The following CUL4B variants were observed in gnomAD, a reference collection of about 807,000 sequenced individuals.
CUL4B encodes the protein cullin-4B.
A neutral mutation model predicts 69.2 loss-of-function variants in CUL4B; 1 was observed. The observed-to-expected ratio is 0.01, with a 90% CI of 0.01 to 0.07. CUL4B has a LOEUF of 0.07. Ranked by LOEUF, CUL4B falls within the 10% of genes least tolerant of loss-of-function variation. CUL4B has a pLI of 1.00. For missense variants in CUL4B, 328 were observed against 638.8 expected (o/e 0.51, Z 5.24); for synonymous variants, 237 against 223.2 (o/e 1.06, Z -0.55).
downstream of CUL4B, among the ~76,000 whole-genome samples, chrX:120,567,696 A>G (rs973162749): frequency 1.9e-5 from 2 of 104,775 alleles, no homozygotes; most frequent in African/African-American, 7.0e-5. Context: ...CTGGTCAACA[A>G]AGCGAGACCC....
rs183114462 is a variant in CUL4B, at chrX:120,534,601, A to C, written c.2161-15T>G. 726 of 1,085,406 alleles carry C rather than the reference A, an allele frequency of 6.7e-4. 3 individuals carry two copies. The African/African-American group carries it at 0.012, about 18-fold the overall frequency. 89.4% of individuals were successfully genotyped at this position (1,085,406 alleles called of 1,213,427 possible). ...TCCTTTTTACCCTGTTGAAGAAATA[A>C]AAGTGTTTAGTCATCACTTTTTTAA... On this transcript the variant is annotated splice_polypyrimidine_tract_variant and intron_variant, in intron 16 of 19. Transcript: ENST00000371322.
At position 120,535,947 on chromosome X, in the gene CUL4B, A is replaced by C; in HGVS notation, c.2047-4T>G. ...AAATCTCCTGAAGTTTTACCATCTA[A>C]AGTAAATAAAATAAGGCTTTATTTA... On this transcript the variant is annotated splice_polypyrimidine_tract_variant and splice_region_variant and intron_variant, in intron 15 of 19. Transcript: ENST00000371322. The C allele has an allele frequency of 9.0e-7, 1 of 1,108,183 alleles. No individual in the cohort carries two copies. Among genetic ancestry groups the C allele is most frequent in the Non-Finnish European group, 1.2e-6 (1 of 801,499 alleles). 91.3% of individuals were successfully genotyped at this position (1,108,183 alleles called of 1,213,427 possible). A position where few individuals can be genotyped will look rare whatever the true frequency, so the allele number is the denominator to read the frequency against.
intron 19 of CUL4B, among the ~76,000 whole-genome samples, chrX:120,527,961 T>G (rs1238194395): frequency 1.8e-5 from 2 of 112,697 alleles, no homozygotes; most frequent in African/African-American, 6.4e-5. Flanking sequence ...TACAAAAGAC[T>G]ACATTTATTG....
Position 120,523,958 on chromosome X carries a change from C to T in CUL4B, c.*2803G>A, listed in dbSNP as rs1922838918. On this transcript the variant is annotated 3_prime_UTR_variant, in exon 20 of 20. Transcript: ENST00000371322. ...ACGCTCACAACACTCCTGCCATTCA[C>T]AGCATTAAACAGAGTGGTCATGAAA... Among the ~76,000 whole-genome samples the T allele has an allele frequency of 9.0e-6, 1 of 111,679 alleles. No homozygotes were observed. Among genetic ancestry groups the T allele is most frequent in the Non-Finnish European group, 1.9e-5 (1 of 53,081 alleles).
chrX:120,563,896 C>T (rs1278175845), upstream of CUL4B, among the ~76,000 whole-genome samples: 1 of 112,440 alleles, frequency 8.9e-6, no homozygotes, highest in Non-Finnish European at 1.9e-5. Context: ...TTCTACTAAC[C>T]TAAATGATAG....
intron 5 of CUL4B, 51 bp from the exon 6 acceptor site, chrX:120,544,694 A>T (rs1438762865): frequency 1.9e-6 from 2 of 1,079,882 alleles, no homozygotes; most frequent in African/African-American, 3.7e-5. Context: ...ACCACTTCTG[A>T]AGAGGTTTGC....
chrX:120,556,022 G>C (rs1431364245), intron 2 of CUL4B, among the ~76,000 whole-genome samples: 1 of 107,961 alleles, frequency 9.3e-6, no homozygotes, highest in Non-Finnish European at 1.9e-5. Flanking sequence ...GCTTATATGA[G>C]ATAATACGAG....
chrX:120,559,792 A>T, intron 1 of CUL4B: 1 of 1,086,847 alleles, frequency 9.2e-7, no homozygotes, highest in Non-Finnish European at 1.2e-6. Flanking sequence ...CAAAATCCGG[A>T]TCAATCATAC....
In CUL4B at chrX:120,525,303, TC is replaced by T. The variant is rs1402066002; in HGVS notation, c.*1457del. 9.0e-6 allele frequency: 1 copy of T among 111,600 alleles called. No individual in the cohort carries two copies. The highest frequency in any genetic ancestry group is 3.3e-5 in the African/African-American group (1 of 30,705). 9.2% of individuals were successfully genotyped at this position (111,600 alleles called of 1,213,427 possible). ...GGACATAGGTAATCTTCCTAACGGCTCCAACAGGCAAGGAAATATGCTGTGG... is the reference window on the plus strand; with the variant it reads ...GGACATAGGTAATCTTCCTAACGGCTCAACAGGCAAGGAAATATGCTGTGG... On this transcript the variant is annotated 3_prime_UTR_variant, in exon 20 of 20. Coordinates refer to ENST00000371322, the MANE Select transcript of CUL4B (RefSeq NM_001079872.2).
Position 120,526,224 on chromosome X carries a change from C to T in CUL4B, c.*537G>A. ...CATCCCTTTCAGTGTAACAGAACAT[C>T]ACCTAGTAAAATATCAATAGCTATG... On this transcript the variant is annotated 3_prime_UTR_variant, in exon 20 of 20. Transcript: ENST00000371322. The T allele has an allele frequency of 8.8e-6, 1 of 114,209 alleles. No individual in the cohort carries two copies. The highest frequency in any genetic ancestry group is 1.9e-5 in the Non-Finnish European group (1 of 53,793). 9.4% of individuals were successfully genotyped at this position (114,209 alleles called of 1,213,427 possible). A position where few individuals can be genotyped will look rare whatever the true frequency, so the allele number is the denominator to read the frequency against.
At position 120,544,487 on chromosome X, in the gene CUL4B, A is replaced by G. The variant is rs754115143; in HGVS notation, c.1077T>C (p.Asp359=). The change falls in exon 6 of 20, where the codon GAT becomes GAC. Residue 359 remains aspartate, a synonymous_variant. Coordinates refer to ENST00000371322, the MANE Select transcript of CUL4B (RefSeq NM_001079872.2). ...LLRSLLSMLS[D]LQIYQDSFEQ... ...GGTGTAGTAGTTAACTTACTTGCAA[A>G]TCAGACAGCATGCTTAAAAGGCTTC... 8 of 1,211,060 alleles carry G rather than the reference A, an allele frequency of 6.6e-6. No homozygotes were observed. In the South Asian group the frequency reaches 1.2e-4, roughly 19 times the overall value.
At chrX:120,540,596 C>T in intron 10 of CUL4B, 34 bp from the exon 11 acceptor site, 1 of 1,002,200 alleles carries the variant, frequency 1.0e-6, no homozygotes, top group African/African-American at 1.9e-5. Flanking sequence ...TTACTGTAAT[C>T]GAATTGTCTA....
At chrX:120,561,475 G>T, upstream of CUL4B, 1 of 386,117 alleles carries the variant, frequency 2.6e-6, no homozygotes, top group Non-Finnish European at 4.9e-6. Flanking sequence ...AAATTGGGGG[G>T]AAGAAAAGTG....
At chrX:120,569,123 A>G (rs1369131674), downstream of CUL4B, among the ~76,000 whole-genome samples, 2 of 111,666 alleles carry the variant, frequency 1.8e-5, no homozygotes, top group South Asian at 7.5e-4. Flanking sequence ...CTAGAGAATC[A>G]GTCTATTCTC....
At position 120,525,854 on chromosome X, in the gene CUL4B, T is replaced by A. The variant is rs1364992165; in HGVS notation, c.*907A>T. 1 of 112,089 alleles carries A rather than the reference T, an allele frequency of 8.9e-6. No homozygotes were observed. Among genetic ancestry groups the A allele is most frequent in the Non-Finnish European group, 1.9e-5 (1 of 53,224 alleles). The allele number at this position is 112,089 out of a possible 1,213,427, so 9.2% of individuals were successfully genotyped here. ...AAAACTGTCCAAACAACATTTAAAG[T>A]CTAAAGTATGTTGAAAACTAGTTGC... On this transcript the variant is annotated 3_prime_UTR_variant, in exon 20 of 20. Transcript: ENST00000371322.
intron 2 of CUL4B, among the ~76,000 whole-genome samples, chrX:120,573,939 T>A (rs1237920213): frequency 9.0e-6 from 1 of 111,561 alleles, no homozygotes; most frequent in East Asian, 2.8e-4. Context: ...TTCTCCAGCC[T>A]GAGCCTCCCT....
chrX:120,539,442 C>G, intron 11 of CUL4B, 70 bp from the exon 12 acceptor site: 1 of 568,233 alleles, frequency 1.8e-6, no homozygotes, highest in Non-Finnish European at 2.9e-6. Flanking sequence ...TATATATACC[C>G]AAAGAGGAGT....
At chrX:120,561,179 G>T (rs1331011911), upstream of CUL4B, 6 of 753,102 alleles carry the variant, frequency 8.0e-6, no homozygotes, top group Non-Finnish European at 1.1e-5. Context: ...CCGGGGGGCG[G>T]GGGAGCTCGC....
chrX:120,528,330 C>G (rs1923110707), intron 19 of CUL4B, among the ~76,000 whole-genome samples: 1 of 109,093 alleles, frequency 9.2e-6, no homozygotes, highest in African/African-American at 3.4e-5. Context: ...TTGCTTGAAC[C>G]CGGGAGGTGG....
Sources: allele counts gnomAD v4.1 joint callset (sites outside exome capture counted in the v4.1 genomes callset), GRCh38; gene constraint gnomAD v4.1.1; transcripts MANE v1.5; gene names NCBI Gene and HGNC (gene_info 2026-07-23, HGNC 2026-07-21).